The following SEPTIN4 variants were observed in gnomAD, a reference collection of about 807,000 sequenced individuals.
The protein encoded by SEPTIN4 is septin-4.
Under a neutral mutation model 107.1 loss-of-function variants are expected in SEPTIN4, and 52 were observed. The observed-to-expected ratio is 0.49, with a 90% CI of 0.39 to 0.61. The LOEUF is 0.61. Ranked by LOEUF, SEPTIN4 falls within the 20% of genes least tolerant of loss-of-function variation. The pLI is 0.00. For missense variants in SEPTIN4, 1,048 were observed against 1,243.5 expected (o/e 0.84, Z 2.36); for synonymous variants, 417 against 467.0 (o/e 0.89, Z 1.38).
At position 58,543,746 on chromosome 17, in the gene SEPTIN4, A is replaced by T; in HGVS notation, c.441T>A (p.Ala147=). The change falls in exon 1 of 14, where the codon GCT becomes GCA. Residue 147 remains alanine, a synonymous_variant. Transcript: ENST00000672673. ...SKSGREVGHH[A]SSIPDAKSTH... is the part of the protein sequence containing the mutation. ...TAGATTTGGCATCTGGGATTGATGA[A>T]GCATGATGGCCGACCTCGCGCCCTG... 1 of 1,614,218 alleles carries T rather than the reference A, an allele frequency of 6.2e-7. No individual in the cohort carries two copies. Among genetic ancestry groups the T allele is most frequent in the South Asian group, 1.1e-5 (1 of 91,084 alleles).
intron 3 of SEPTIN4, chr17:58,532,201 C>T: frequency 1.5e-6 from 1 of 659,994 alleles, no homozygotes; most frequent in Non-Finnish European, 1.9e-6. Context: ...GCCGGCCTCG[C>T]AGCCCGCGAC....
chr17:58,523,193 G>A (rs766954687), intron 7 of SEPTIN4, among the ~76,000 whole-genome samples: 8 of 151,966 alleles, frequency 5.3e-5, no homozygotes, highest in African/African-American at 9.7e-5. Flanking sequence ...GCAACATAGC[G>A]AGACCCCCAT....
At chr17:58,527,720 G>T in intron 3 of SEPTIN4, 1 of 520,176 alleles carries the variant, frequency 1.9e-6, no homozygotes, top group Non-Finnish European at 2.5e-6. Flanking sequence ...GAGAGACCAG[G>T]TGAGGGAGGA....
chr17:58,524,889 T>TC (rs2144071402), intron 7 of SEPTIN4, 189 bp downstream of exon 7: 1 of 683,572 alleles, frequency 1.5e-6, no homozygotes, highest in South Asian at 1.9e-5. Flanking sequence ...ACATTAAAAA[T>TC]CATCTATTCC....
In SEPTIN4 at chr17:58,522,070, G is replaced by C; in HGVS notation, c.2248C>G (p.Gln750Glu). 6.2e-7 allele frequency: 1 copy of C among 1,614,206 alleles called. No homozygotes were observed. The highest frequency in any genetic ancestry group is 2.2e-5 in the East Asian group (1 of 44,890). The change falls in exon 8 of 14, where the codon CAG (glutamine) becomes GAG (glutamate). Residue 750 changes from glutamine (Q) to glutamate (E), a missense_variant. Gln to Glu is a conservative substitution (Grantham distance 29). Coordinates refer to ENST00000672673, the MANE Select transcript of SEPTIN4 (RefSeq NM_001368771.2). ...TCGTCTCGGAAATACTGCTCAAACTGCTGATCAATGTATTCTGCCACAGGC... is the reference window on the plus strand; with the variant it reads ...TCGTCTCGGAAATACTGCTCAAACTCCTGATCAATGTATTCTGCCACAGGC... ...WKPVAEYIDQ[Q>E]FEQYFRDESG...
At chr17:58,532,962 G>T (rs2043573856) in intron 3 of SEPTIN4, among the ~76,000 whole-genome samples, 1 of 152,196 alleles carries the variant, frequency 6.6e-6, no homozygotes, top group South Asian at 2.1e-4. Flanking sequence ...GAAGTTTCCA[G>T]AAGCATGTCC....
In SEPTIN4 at chr17:58,538,095, G is replaced by A. The variant is rs2043778405; in HGVS notation, c.1614+2571C>T. 6.6e-6 allele frequency among the ~76,000 whole-genome samples: 1 copy of A among 152,128 alleles called. No individual in the cohort carries two copies. The highest frequency in any genetic ancestry group is 1.5e-5 in the Non-Finnish European group (1 of 68,014). On this transcript the variant is annotated intron_variant, in intron 3 of 13. Transcript: ENST00000672673. The surrounding 1 kb of genome is among the most constrained non-coding windows in gnomAD (Gnocchi z 4.7). ...GGGCAACAGAACACTTTAAAAAAAA[G>A]CGAGGGAGGGTTCCTTTCACATAGC...
At position 58,521,475 on chromosome 17, in the gene SEPTIN4, A is replaced by T; in HGVS notation, c.2571+70T>A. On this transcript the variant is annotated intron_variant, in intron 10 of 13. Coordinates refer to ENST00000672673, the MANE Select transcript of SEPTIN4 (RefSeq NM_001368771.2). The surrounding 1 kb of genome is among the most constrained non-coding windows in gnomAD (Gnocchi z 6.4). Reference sequence around the variant, plus strand: ...CCTTTCCCACCCTGATAGCCTGAATATAGAATTCTACTCCCTTTTTCTACC... The same window carrying T: ...CCTTTCCCACCCTGATAGCCTGAATTTAGAATTCTACTCCCTTTTTCTACC... 6.3e-7 allele frequency: 1 copy of T among 1,577,268 alleles called. No individual in the cohort carries two copies. Among genetic ancestry groups the T allele is most frequent in the Non-Finnish European group, 8.7e-7 (1 of 1,147,102 alleles).
At chr17:58,529,722 T>C (rs143550447) in intron 3 of SEPTIN4, 1 of 158,208 alleles carries the variant, frequency 6.3e-6, no homozygotes, top group East Asian at 1.8e-4. Flanking sequence ...TAAGCAGTGC[T>C]GGAGTAGGTG....
rs920293411 is a variant in SEPTIN4, at chr17:58,542,784, G to T, written c.1403C>A (p.Pro468His). 1.1e-5 allele frequency: 18 copies of T among 1,614,058 alleles called. No homozygotes were observed. Among genetic ancestry groups the T allele is most frequent in the Admixed American group, 1.7e-5 (1 of 59,984 alleles). ...CTGGAACTTCAGATCCTCACAGAAA[G>T]GGCTAGAGTCTATTTTAAAACCGGA... ...LLSGFKIDSSPFCEDLKFQRE... is the reference protein window; with the variant it reads ...LLSGFKIDSSHFCEDLKFQRE... Residue 468 changes from proline (P) to histidine (H), a missense_variant, in exon 1 of 14, where the codon CCT (proline) becomes CAT (histidine). Pro to His is a moderately conservative substitution (Grantham distance 77, BLOSUM62 -2). Around this residue, in one of 2 missense-constraint regions of SEPTIN4, gnomAD observed 787 missense variants for 871.8 expected, o/e 0.90. Transcript: ENST00000672673.
intron 3 of SEPTIN4, among the ~76,000 whole-genome samples, chr17:58,536,127 A>G (rs998614639): frequency 2.0e-5 from 3 of 152,236 alleles, no homozygotes; most frequent in African/African-American, 7.2e-5. Flanking sequence ...TTTCTATACC[A>G]TATAGTTGAC....
intron 12 of SEPTIN4, 25 bp from the exon 13 acceptor site, chr17:58,520,867 G>A: frequency 6.8e-6 from 11 of 1,614,050 alleles, no homozygotes; most frequent in Non-Finnish European, 8.5e-6. Flanking sequence ...GGGTTGATAA[G>A]GCGAGGAGGA....
Position 58,544,327 on chromosome 17 carries a change from G to GC in SEPTIN4, c.-142_-141insG. On this transcript the variant is annotated 5_prime_UTR_variant, in exon 1 of 14. Transcript: ENST00000672673. The stretch of plus-strand genomic sequence containing the variant: ...CACAAAAGTGGCTGTTGTTCTAAGA[G>GC]TGTCTCAAATAATCCCCTTAGCTAC... The GC allele has an allele frequency of 8.4e-7, 1 of 1,196,238 alleles. No homozygotes were observed. The highest frequency in any genetic ancestry group is 1.5e-5 in the South Asian group (1 of 65,586). The allele number at this position is 1,196,238 out of a possible 1,614,324, so 74.1% of individuals were successfully genotyped here.
intron 3 of SEPTIN4, among the ~76,000 whole-genome samples, chr17:58,537,567 C>T (rs903058382): frequency 1.3e-5 from 2 of 152,172 alleles, no homozygotes; most frequent in Admixed American, 6.6e-5. Flanking sequence ...CGTGGTGACT[C>T]ATGCCTGTAA....
In SEPTIN4 at chr17:58,543,710, C is replaced by G; in HGVS notation, c.477G>C (p.Leu159Phe). The G allele has an allele frequency of 1.2e-6, 2 of 1,614,220 alleles. No homozygotes were observed. The highest frequency in any genetic ancestry group is 1.7e-6 in the Non-Finnish European group (2 of 1,180,034). Residue 159 changes from leucine to phenylalanine, a missense_variant, in exon 1 of 14, where the codon TTG becomes TTC. By Grantham distance (22) the Leu-to-Phe change is conservative (BLOSUM62 0). Around this residue, in one of 2 missense-constraint regions of SEPTIN4, gnomAD observed 787 missense variants for 871.8 expected, o/e 0.90. Transcript: ENST00000672673. Reference sequence around the variant, plus strand: ...AGTTATTCTTCTGGTCTTGAAAACTCAACTGATGAGTAGATTTGGCATCTG... The same window carrying G: ...AGTTATTCTTCTGGTCTTGAAAACTGAACTGATGAGTAGATTTGGCATCTG... ...SIPDAKSTHQ[L>F]SFQDQKNNLQ...
chr17:58,541,622 T>C, intron 2 of SEPTIN4: 1 of 676,424 alleles, frequency 1.5e-6, no homozygotes, highest in Non-Finnish European at 2.4e-6. Context: ...TTTTTTAAAA[T>C]CATGTGATAG....
chr17:58,525,550 G>T, intron 6 of SEPTIN4, 145 bp downstream of exon 6: 1 of 701,982 alleles, frequency 1.4e-6, no homozygotes. Context: ...TGGGCTGCCA[G>T]GCAGTTAGGC....
intron 3 of SEPTIN4, chr17:58,528,056 C>T: frequency 1.0e-6 from 1 of 985,150 alleles, no homozygotes; most frequent in Non-Finnish European, 1.2e-6. Context: ...GTGCTGGGCT[C>T]AGCTCTGCCT....
chr17:58,520,445 TG>T lies in SEPTIN4; in HGVS notation c.2971del (p.Gln991ArgfsTer2). On this transcript the variant is annotated frameshift_variant, in exon 14 of 14. Transcript: ENST00000672673. LOFTEE classifies it high-confidence loss of function. ...MQEMLHKIQKQMKENY is the reference protein window; with the variant it reads ...MQEMLHKIQKXMKENY ...AGCCAGTTAATAGTTCTCCTTCATC[TG>T]TTTTTGTATTTTGTGTAGCATCTCC... is the stretch of plus-strand genomic sequence containing the variant. 1 of 1,613,412 alleles carries T rather than the reference TG, an allele frequency of 6.2e-7. No homozygotes were observed. Among genetic ancestry groups the T allele is most frequent in the Non-Finnish European group, 8.5e-7 (1 of 1,180,044 alleles).
Sources: allele counts gnomAD v4.1 joint callset (sites outside exome capture counted in the v4.1 genomes callset), GRCh38; gene constraint gnomAD v4.1.1; regional missense constraint gnomAD v4.1.1; non-coding constraint Gnocchi (gnomAD v3.1); transcripts MANE v1.5; gene names NCBI Gene and HGNC (gene_info 2026-07-23, HGNC 2026-07-21).